Variants in NTM observed in about 807,000 individuals in gnomAD.
NTM encodes the protein IgLON family member 2.
NTM carries 13 observed loss-of-function variants against 42.1 expected under a neutral mutation model. The ratio of observed to expected loss-of-function variants is 0.31; its 90% confidence interval spans 0.20 to 0.49. NTM has a LOEUF of 0.49. NTM is among the 20% of genes least tolerant of loss of function. The pLI, the probability that NTM is intolerant of heterozygous loss-of-function variation, is 0.99. For missense variants in NTM, 373 were observed against 452.8 expected (o/e 0.82, Z 1.60); for synonymous variants, 187 against 179.2 (o/e 1.04, Z -0.35).
intron 1 of NTM, among the ~76,000 whole-genome samples, chr11:131,821,794 A>G (rs1450849556): frequency 1.3e-5 from 2 of 152,216 alleles, no homozygotes; most frequent in Non-Finnish European, 2.9e-5. Context: ...GTTGGAAGAC[A>G]CTGACGAGTT....
rs377739708 is a variant in NTM at position 131,432,839 on chromosome 11, C to CTTTTT, written c.82+61979_82+61983dup. Among the ~76,000 whole-genome samples the CTTTTT allele has an allele frequency of 2.5e-3, 171 of 68,702 alleles. 13 individuals carry two copies. Among genetic ancestry groups the CTTTTT allele is most frequent in the Non-Finnish European group, 2.7e-3 (106 of 38,810 alleles). The allele number at this position is 68,702 out of a possible 152,430, so 45.1% of individuals were successfully genotyped here. ...CTACAAAAGATGAAGATTTAGCATT[C>CTTTTT]TTTTTTTTTTTTTTTTTTTTTTTTT... is the stretch of plus-strand genomic sequence containing the variant. On this transcript the variant is annotated intron_variant, in intron 1 of 8. Transcript: ENST00000683400.
chr11:131,482,292 C>A (rs1192123564), intron 1 of NTM, among the ~76,000 whole-genome samples: 5 of 152,164 alleles, frequency 3.3e-5, no homozygotes, highest in Non-Finnish European at 7.4e-5. Flanking sequence ...TTGATTCCCC[C>A]CACCCATCAC....
At chr11:132,187,281 A>G (rs2078586128) in intron 3 of NTM, among the ~76,000 whole-genome samples, 1 of 151,864 alleles carries the variant, frequency 6.6e-6, no homozygotes, top group Non-Finnish European at 1.5e-5. Context: ...ATGCCCTGAA[A>G]AAACAAGATG....
chr11:132,132,335 C>T (rs962371496), intron 2 of NTM, among the ~76,000 whole-genome samples: 16 of 152,276 alleles, frequency 1.1e-4, no homozygotes, highest in Admixed American at 5.9e-4. Context: ...TGTATCCGTC[C>T]GGTGTTTGTC....
At chr11:131,398,490 A>G (rs868004571) in intron 1 of NTM, among the ~76,000 whole-genome samples, 5 of 152,122 alleles carry the variant, frequency 3.3e-5, no homozygotes, top group Admixed American at 6.5e-5. Flanking sequence ...TTCTTTTAAG[A>G]ATAGATCAGA....
intron 2 of NTM, among the ~76,000 whole-genome samples, chr11:131,941,457 C>T (rs147908698): frequency 6.6e-6 from 1 of 152,198 alleles, no homozygotes; most frequent in Admixed American, 6.5e-5. Context: ...TACTTAATTA[C>T]TTAGCTCCTT....
rs769740331 is a variant in NTM, at chr11:131,424,600, C to CTTTTTTTTTT, written c.82+53721_82+53730dup. ...AGTTGTTTTTTATTTCTTTTCTTTT[C>CTTTTTTTTTT]TTTTTTTTTTTTTTTTTTGGCGCAA... On this transcript the variant is annotated intron_variant, in intron 1 of 8. Transcript: ENST00000683400. 2.4e-3 allele frequency among the ~76,000 whole-genome samples: 133 copies of CTTTTTTTTTT among 55,948 alleles called. 8 individuals are homozygous for CTTTTTTTTTT. Among genetic ancestry groups the CTTTTTTTTTT allele is most frequent in the Middle Eastern group, 0.023 (2 of 86 alleles). 36.7% of individuals were successfully genotyped at this position (55,948 alleles called of 152,430 possible).
chr11:131,714,023 T>C (rs2077432331), intron 1 of NTM, among the ~76,000 whole-genome samples: 1 of 152,280 alleles, frequency 6.6e-6, no homozygotes, highest in African/African-American at 2.4e-5. Flanking sequence ...GTTTTGCACA[T>C]GCTCACTTGA....
chr11:131,850,784 T>C (rs1565628546), intron 1 of NTM, among the ~76,000 whole-genome samples: 1 of 152,214 alleles, frequency 6.6e-6, no homozygotes, highest in African/African-American at 2.4e-5. Flanking sequence ...AGGAAATTAC[T>C]ATAAACAAAC....
intron 1 of NTM, among the ~76,000 whole-genome samples, chr11:131,695,650 G>C (rs1329185530): frequency 2.0e-5 from 3 of 152,180 alleles, no homozygotes; most frequent in Non-Finnish European, 4.4e-5. Flanking sequence ...AGCATGTTTA[G>C]GAGCAACTTC....
At position 132,141,271 on chromosome 11, in the gene NTM, CCTCTCT is replaced by C. The variant is rs552940074; in HGVS notation, c.168-5006_168-5001del. Among the ~76,000 whole-genome samples, 9 of 151,786 alleles carry C rather than the reference CCTCTCT, an allele frequency of 5.9e-5. No homozygotes were observed. In the South Asian group the frequency reaches 1.9e-3, roughly 32 times the overall value. On this transcript the variant is annotated intron_variant, in intron 2 of 8. Coordinates refer to ENST00000683400, the MANE Select transcript of NTM (RefSeq NM_001352005.2). The stretch of plus-strand genomic sequence containing the variant: ...TCTCTCCCTCTCTCTCCCCCCTACC[CCTCTCT>C]CTCTATCTCTCTTTCTCTTTTCTCA...
At chr11:131,563,579 C>CTTTTTTT (rs71911433) in intron 1 of NTM, among the ~76,000 whole-genome samples, 3 of 88,762 alleles carry the variant, frequency 3.4e-5, no homozygotes, top group African/African-American at 9.2e-5. Flanking sequence ...GCTCCAGACA[C>CTTTTTTT]TTTTTTTTTT....
In NTM at chr11:132,146,305, C is replaced by G. The variant is rs1219051007; in HGVS notation, c.191C>G (p.Thr64Ser). ...TLRCTIDNRV[T>S]RVAWLNRSTI... ...AGGTGCACTATTGACAACCGGGTCA[C>G]CCGGGTGGCCTGGCTAAACCGCAGC... is the stretch of plus-strand genomic sequence containing the variant. Residue 64 changes from threonine (T) to serine (S), a missense_variant, in exon 3 of 9, where the codon ACC (threonine) becomes AGC (serine). By Grantham distance (58) the Thr-to-Ser change is moderately conservative. Coordinates refer to ENST00000683400, the MANE Select transcript of NTM (RefSeq NM_001352005.2). This position sits in a 1 kb window ranked among gnomAD's most constrained non-coding sequence, Gnocchi z 4.5. 2 of 1,614,234 alleles carry G rather than the reference C, an allele frequency of 1.2e-6. No individual in the cohort carries two copies. Among genetic ancestry groups the G allele is most frequent in the Non-Finnish European group, 1.7e-6 (2 of 1,180,050 alleles).
intron 4 of NTM, among the ~76,000 whole-genome samples, chr11:132,288,995 A>G (rs1022593855): frequency 1.2e-4 from 19 of 152,144 alleles, no homozygotes; most frequent in Admixed American, 2.6e-4. Flanking sequence ...AACTGATCCA[A>G]TTAGTACCTA....
chr11:131,465,752 C>T (rs1329393187), intron 1 of NTM, among the ~76,000 whole-genome samples: 1 of 150,206 alleles, frequency 6.7e-6, no homozygotes, highest in Non-Finnish European at 1.5e-5. Context: ...ACTAGATACT[C>T]CCCTGAATGC....
chr11:132,216,603 A>G (rs928776780), intron 4 of NTM, among the ~76,000 whole-genome samples: 1 of 152,192 alleles, frequency 6.6e-6, no homozygotes, highest in Non-Finnish European at 1.5e-5. Context: ...CCTCCTTTCC[A>G]GTTTATTTTC....
intron 1 of NTM, among the ~76,000 whole-genome samples, chr11:131,604,564 G>A (rs554654990): frequency 2.0e-5 from 3 of 151,514 alleles, no homozygotes; most frequent in African/African-American, 7.3e-5. Context: ...TTTGTCACTA[G>A]TGCTTTTGTT....
chr11:131,386,763 G>T (rs1943369664), intron 1 of NTM, among the ~76,000 whole-genome samples: 1 of 152,216 alleles, frequency 6.6e-6, no homozygotes, highest in East Asian at 1.9e-4. Context: ...GTGAACCAGA[G>T]AATCCTGTGC....
In NTM at chr11:132,123,670, C is replaced by T. The variant is rs187424243; in HGVS notation, c.168-22612C>T. Among the ~76,000 whole-genome samples, 6 of 152,276 alleles carry T rather than the reference C, an allele frequency of 3.9e-5. No individual in the cohort carries two copies. The East Asian group carries it at 1.2e-3, about 29-fold the overall frequency. On this transcript the variant is annotated intron_variant, in intron 2 of 8. Transcript: ENST00000683400. The stretch of plus-strand genomic sequence containing the variant: ...AGCCAACAGGTGCCTGAGTACCTGC[C>T]GTGAGACCAGCTGGCAATAGCTCCT...
Sources: gnomAD v4.1 joint callset for allele counts (sites outside exome capture counted in the v4.1 genomes callset) on GRCh38, gnomAD v4.1.1 for gene constraint, Gnocchi (gnomAD v3.1) non-coding constraint, MANE v1.5 for transcripts, NCBI Gene and HGNC (gene_info 2026-07-23, HGNC 2026-07-21) for gene names.